PARP11: variants seen among roughly 807,000 people sequenced by gnomAD.
PARP11 encodes protein mono-ADP-ribosyltransferase PARP11.
PARP11 carries 31 observed loss-of-function variants against 42.9 expected under a neutral mutation model. The observed-to-expected ratio is 0.72, with a 90% CI of 0.54 to 0.98. The LOEUF (loss-of-function observed/expected upper bound fraction) is 0.98. PARP11 is among the 50% of genes least tolerant of loss of function. The probability of loss-of-function intolerance (pLI) is 0.00; values close to 1 mark genes in which losing one functional copy is unlikely to be tolerated. For synonymous variants in PARP11, 137 were observed against 127.3 expected, an observed-to-expected ratio of 1.08 and a Z score of -0.51; for missense variants, 365 against 413.1, an observed-to-expected ratio of 0.88 and a Z score of 1.01.
intron 4 of PARP11, chr12:3,824,763 A>C (rs1231368872): frequency 5.0e-6 from 1 of 199,518 alleles, no homozygotes; most frequent in Non-Finnish European, 9.0e-6. Flanking sequence ...TTACAATAAC[A>C]TCTTCCATTA....
intron 1 of PARP11, among the ~76,000 whole-genome samples, chr12:3,846,159 ATGTTC>A (rs1379707991): frequency 6.6e-6 from 1 of 152,100 alleles, no homozygotes; most frequent in Non-Finnish European, 1.5e-5. Context: ...TTATTTTTCT[ATGTTC>A]TGTTTTGTAG....
chr12:3,841,150 C>G, intron 1 of PARP11: 1 of 1,601,904 alleles, frequency 6.2e-7, no homozygotes, highest in East Asian at 2.2e-5. Flanking sequence ...GACATTGAGC[C>G]TTTATCAAGA....
rs1293006229 is a variant in PARP11 at position 3,840,712 on chromosome 12, A to G, written c.19-10694T>C. On this transcript the variant is annotated intron_variant, in intron 1 of 7. Coordinates refer to ENST00000228820, the MANE Select transcript of PARP11 (RefSeq NM_020367.6). The surrounding 1 kb of genome is among the most constrained non-coding windows in gnomAD (Gnocchi z 4.4). ...GGCGGAGAATGGATACAGAAGAACGAAAAGACAAAGACTCTATTCATGGAC... is the reference window on the plus strand; with the variant it reads ...GGCGGAGAATGGATACAGAAGAACGGAAAGACAAAGACTCTATTCATGGAC... 1.5e-6 allele frequency: 2 copies of G among 1,291,070 alleles called. No individual in the cohort carries two copies. Among genetic ancestry groups the G allele is most frequent in the Admixed American group, 1.7e-5 (1 of 59,630 alleles). 80.0% of individuals were successfully genotyped at this position (1,291,070 alleles called of 1,614,324 possible). A position where few individuals can be genotyped will look rare whatever the true frequency, so the allele number is the denominator to read the frequency against.
intron 1 of PARP11, chr12:3,832,246 A>G (rs1347966247): frequency 4.3e-6 from 1 of 233,296 alleles, no homozygotes; most frequent in Admixed American, 6.5e-5. Context: ...TTCAAATCTT[A>G]TACAATTCCT....
At position 3,854,262 on chromosome 12, in the gene PARP11, A is replaced by G. The variant is rs181695953; in HGVS notation, c.18+18950T>C. ...AGAGCAAACAAATTCAAAAGCTAGC[A>G]GAAGGCAAGAAATAACTAAGATCAG... On this transcript the variant is annotated intron_variant, in intron 1 of 7. Coordinates refer to ENST00000228820, the MANE Select transcript of PARP11 (RefSeq NM_020367.6). Among the ~76,000 whole-genome samples, 710 of 152,346 alleles carry G rather than the reference A, an allele frequency of 4.7e-3. 3 individuals are homozygous for G. The highest frequency in any genetic ancestry group is 0.016 in the African/African-American group (667 of 41,576).
chr12:3,813,814 C>A (rs967096054), intron 7 of PARP11, among the ~76,000 whole-genome samples: 1 of 152,194 alleles, frequency 6.6e-6, no homozygotes, highest in Non-Finnish European at 1.5e-5. Context: ...TTTTCCCCCA[C>A]TATTCCTTAT....
Position 3,841,643 on chromosome 12 carries a change from A to G in PARP11, c.19-11625T>C. On this transcript the variant is annotated intron_variant, in intron 1 of 7. Coordinates refer to ENST00000228820, the MANE Select transcript of PARP11 (RefSeq NM_020367.6). ...TCTGAGACCCCTGGGCAGCTTCTGC[A>G]TGCTGATTATGAAGAGTCACTGAGT... The G allele has an allele frequency of 1.9e-6, 3 of 1,613,668 alleles. No homozygotes were observed. The South Asian group carries it at 3.3e-5, about 18-fold the overall frequency.
At chr12:3,814,873 A>T (rs1334190996) in intron 6 of PARP11, 1 of 271,658 alleles carries the variant, frequency 3.7e-6, no homozygotes, top group East Asian at 8.2e-5. Context: ...TTAAAAAATA[A>T]TATTGAATGT....
In PARP11 at chr12:3,822,000, T is replaced by G; in HGVS notation, c.421A>C (p.Ile141Leu). The G allele has an allele frequency of 6.2e-7, 1 of 1,607,000 alleles. No homozygotes were observed. The highest frequency in any genetic ancestry group is 1.1e-5 in the South Asian group (1 of 89,748). ...TCATGTGTTTGATTGTGCAGAGGAA[T>G]AAGCTGGAAAAATAAATTTGCATAG... ...NVNTQVPYQL[I>L]PLHNQTHEYN... The change falls in exon 6 of 8, where the codon ATT becomes CTT. Residue 141 changes from isoleucine to leucine, a missense_variant. Coordinates refer to ENST00000228820, the MANE Select transcript of PARP11 (RefSeq NM_020367.6).
chr12:3,818,842 GT>G (rs1003790346), intron 6 of PARP11, among the ~76,000 whole-genome samples: 11 of 152,218 alleles, frequency 7.2e-5, no homozygotes, highest in African/African-American at 2.2e-4. Context: ...TCTTCTATTG[GT>G]TTTCTCCCGC....
At chr12:3,833,669 T>C (rs1004118473) in intron 1 of PARP11, among the ~76,000 whole-genome samples, 4 of 152,182 alleles carry the variant, frequency 2.6e-5, no homozygotes, top group African/African-American at 9.7e-5. Flanking sequence ...TTAAAGTCTC[T>C]GGAAACTGTA....
intron 1 of PARP11, among the ~76,000 whole-genome samples, chr12:3,858,738 A>G (rs1591536385): frequency 6.6e-6 from 1 of 152,260 alleles, no homozygotes; most frequent in African/African-American, 2.4e-5. Context: ...TATCCTGAAC[A>G]CATTATTTTT....
At chr12:3,825,726 ATTAGT>A (rs1248985537) in intron 4 of PARP11, among the ~76,000 whole-genome samples, 2 of 152,032 alleles carry the variant, frequency 1.3e-5, no homozygotes, top group Non-Finnish European at 2.9e-5. Flanking sequence ...TTTTTAATTA[ATTAGT>A]TTATTTTTTT....
chr12:3,858,828 G>A (rs984853915), intron 1 of PARP11, among the ~76,000 whole-genome samples: 16 of 152,048 alleles, frequency 1.1e-4, no homozygotes, highest in Non-Finnish European at 1.5e-5. Flanking sequence ...GGTGGCTCAC[G>A]CCTGTAATCC....
chr12:3,834,833 C>T (rs1475519261), intron 1 of PARP11, among the ~76,000 whole-genome samples: 2 of 151,860 alleles, frequency 1.3e-5, no homozygotes, highest in South Asian at 4.1e-4. Flanking sequence ...GCTGTGTACA[C>T]CCAGGAATGA....
intron 3 of PARP11, 144 bp downstream of exon 3, chr12:3,828,766 A>G: frequency 1.5e-6 from 1 of 658,182 alleles, no homozygotes; most frequent in South Asian, 2.3e-5. Flanking sequence ...TAAAACTTGA[A>G]TTTTTATAGA....
chr12:3,842,328 C>G, intron 1 of PARP11: 9 of 1,609,252 alleles, frequency 5.6e-6, no homozygotes, highest in East Asian at 2.2e-5. Context: ...GCAGGAAGTA[C>G]AAAAGTGATT....
At chr12:3,842,330 A>G (rs1947906785) in intron 1 of PARP11, 3 of 1,610,066 alleles carry the variant, frequency 1.9e-6, no homozygotes, top group African/African-American at 1.3e-5. Context: ...AGGAAGTACA[A>G]AAGTGATTGG....
At chr12:3,830,145 A>G (rs114682842) in intron 1 of PARP11, 127 bp from the exon 2 acceptor site, 27 of 735,012 alleles carry the variant, frequency 3.7e-5, no homozygotes, top group African/African-American at 3.5e-4. Context: ...CACTTTAAAA[A>G]CAGCTTTCTA....
Sources: gnomAD v4.1 joint callset for allele counts (sites outside exome capture counted in the v4.1 genomes callset) on GRCh38, gnomAD v4.1.1 for gene constraint, Gnocchi (gnomAD v3.1) non-coding constraint, MANE v1.5 for transcripts, NCBI Gene and HGNC (gene_info 2026-07-23, HGNC 2026-07-21) for gene names.